Variants in PLAAT3 observed in about 807,000 individuals in gnomAD.
The protein encoded by PLAAT3 is phospholipase A and acyltransferase 3.
A neutral mutation model predicts 16.7 loss-of-function variants in PLAAT3; 21 were observed. The observed-to-expected ratio is 1.26, with a 90% confidence interval of 0.89 to 1.81. The LOEUF is 1.81. Ranked by LOEUF, PLAAT3 falls within the 40% of genes most tolerant of loss-of-function variation. PLAAT3 has a pLI of 0.00. For missense variants in PLAAT3, 219 were observed against 213.7 expected, an observed-to-expected ratio of 1.02 and a Z score of -0.16; for synonymous variants, 76 against 81.7, an observed-to-expected ratio of 0.93 and a Z score of 0.38.
At chr11:63,609,983 G>GGA (rs1213875512) in intron 2 of PLAAT3, among the ~76,000 whole-genome samples, 34 of 152,112 alleles carry the variant, frequency 2.2e-4, no homozygotes, top group Non-Finnish European at 4.0e-4. Flanking sequence ...ATCCTTATAA[G>GGA]AGCCCCATGT....
intron 2 of PLAAT3, among the ~76,000 whole-genome samples, chr11:63,609,002 T>C (rs1039171123): frequency 9.9e-5 from 15 of 152,190 alleles, no homozygotes; most frequent in Non-Finnish European, 2.2e-4. Flanking sequence ...CTTGATAACG[T>C]AGGAGCCATT....
chr11:63,605,085 G>A (rs746156749), intron 2 of PLAAT3, among the ~76,000 whole-genome samples: 2 of 151,936 alleles, frequency 1.3e-5, no homozygotes, highest in Non-Finnish European at 2.9e-5. Context: ...ATTTTATCAC[G>A]AAAAATTTTC....
At chr11:63,612,951 T>C (rs1459012346) in intron 2 of PLAAT3, among the ~76,000 whole-genome samples, 1 of 152,200 alleles carries the variant, frequency 6.6e-6, no homozygotes, top group Non-Finnish European at 1.5e-5. Context: ...GAGAATGATA[T>C]TAAAAAGTGA....
intron 3 of PLAAT3, 85 bp from the exon 4 acceptor site, chr11:63,590,453 C>T (rs1938124255): frequency 8.6e-7 from 1 of 1,164,204 alleles, no homozygotes; most frequent in African/African-American, 1.5e-5. Context: ...CGGGCATCTG[C>T]CCTTGGCTCA....
intron 4 of PLAAT3, among the ~76,000 whole-genome samples, chr11:63,576,547 C>T (rs76200331): frequency 0.015 from 2,293 of 152,282 alleles, 56 homozygotes; most frequent in African/African-American, 0.052. Context: ...CACTTGAACC[C>T]GGGAAGTGGA....
chr11:63,576,227 C>T (rs140602337), intron 4 of PLAAT3, among the ~76,000 whole-genome samples: 4 of 152,260 alleles, frequency 2.6e-5, no homozygotes, highest in African/African-American at 9.6e-5. Flanking sequence ...AGTCAGCAAA[C>T]CACTGCCCCT....
At chr11:63,601,000 AT>A (rs1165840160) in intron 2 of PLAAT3, among the ~76,000 whole-genome samples, 5 of 151,346 alleles carry the variant, frequency 3.3e-5, no homozygotes, top group African/African-American at 7.3e-5. Context: ...TTATAACTTA[AT>A]TTTTTTTAAG....
intron 3 of PLAAT3, among the ~76,000 whole-genome samples, chr11:63,593,168 G>A (rs557282915): frequency 2.0e-5 from 3 of 152,296 alleles, no homozygotes; most frequent in African/African-American, 7.2e-5. Context: ...CTGCCCTCAA[G>A]CAATTCCCAT....
In PLAAT3 at chr11:63,598,068, G is replaced by A. The variant is rs1460242236; in HGVS notation, c.111C>T (p.Ala37=). 3 of 1,609,260 alleles carry A rather than the reference G, an allele frequency of 1.9e-6. No homozygotes were observed. The highest frequency in any genetic ancestry group is 2.2e-5 in the East Asian group (1 of 44,868). Residue 37 remains alanine, a synonymous_variant, in exon 3 of 5, where the codon GCC becomes GCT. Coordinates refer to ENST00000415826, the MANE Select transcript of PLAAT3 (RefSeq NM_001128203.2). The part of the protein sequence containing the change: ...YVGDGYVVHL[A]PPSEVAGAGA... ...GGTCCCATGTGTTCTTACTTGGAGG[G>A]GCCAGATGAACCACATATCCATCGC...
chr11:63,590,183 G>T lies in PLAAT3; in HGVS notation c.304C>A (p.Gln102Lys). ...CTGGTCAGCTTGTAGAGCACCTCCT[G>T]CCCCACCAGCTCCTCCGCCCGCTGG... ...IIQRAEELVG[Q>K]EVLYKLTSEN... Residue 102 changes from glutamine (Q) to lysine (K), a missense_variant, in exon 4 of 5, where the codon CAG (glutamine) becomes AAG (lysine). Coordinates refer to ENST00000415826, the MANE Select transcript of PLAAT3 (RefSeq NM_001128203.2). 1 of 1,614,150 alleles carries T rather than the reference G, an allele frequency of 6.2e-7. No individual in the cohort carries two copies. The highest frequency in any genetic ancestry group is 1.1e-5 in the South Asian group (1 of 91,080).
At chr11:63,603,652 GA>G (rs990969793) in intron 2 of PLAAT3, among the ~76,000 whole-genome samples, 4 of 112,746 alleles carry the variant, frequency 3.5e-5, no homozygotes, top group Non-Finnish European at 5.6e-5. Context: ...AAAAAGAAAA[GA>G]AAAAAAAACC....
intron 4 of PLAAT3, among the ~76,000 whole-genome samples, chr11:63,578,090 C>G (rs1341137333): frequency 6.6e-6 from 1 of 152,084 alleles, no homozygotes; most frequent in African/African-American, 2.4e-5. Flanking sequence ...CGAGACCAGC[C>G]TGGCAACATG....
intron 4 of PLAAT3, 149 bp downstream of exon 4, chr11:63,589,951 C>T (rs1275326540): frequency 5.6e-6 from 4 of 710,078 alleles, no homozygotes; most frequent in South Asian, 1.7e-5. Flanking sequence ...ACCCTTGTCC[C>T]CACCCTTGTC....
At chr11:63,590,456 T>C in intron 3 of PLAAT3, 88 bp from the exon 4 acceptor site, 1 of 1,136,878 alleles carries the variant, frequency 8.8e-7, no homozygotes, top group Middle Eastern at 2.0e-4. Flanking sequence ...GCATCTGCCC[T>C]TGGCTCATCC....
At chr11:63,615,308 ATGTGTGTATATATG>A (rs1938839202), upstream of PLAAT3, among the ~76,000 whole-genome samples, 10 of 59,568 alleles carry the variant, frequency 1.7e-4, 4 homozygotes, top group Non-Finnish European at 4.0e-4. Context: ...GTGTGTATAT[ATGTGTGTATATATG>A]TGTGTATATA....
At chr11:63,615,216 A>ATG (rs1259849129), upstream of PLAAT3, among the ~76,000 whole-genome samples, 3 of 12,746 alleles carry the variant, frequency 2.4e-4, no homozygotes, top group African/African-American at 3.5e-4. Flanking sequence ...GTGTATATAT[A>ATG]TGTGTATATA....
chr11:63,615,667 G>A (rs1054695761), upstream of PLAAT3, among the ~76,000 whole-genome samples: 20 of 151,352 alleles, frequency 1.3e-4, no homozygotes, highest in Non-Finnish European at 1.8e-4. Flanking sequence ...TTACTTTTTG[G>A]GGTTTTTTGT....
intron 2 of PLAAT3, among the ~76,000 whole-genome samples, chr11:63,609,898 G>A (rs1938652237): frequency 6.6e-6 from 1 of 152,160 alleles, no homozygotes; most frequent in South Asian, 2.1e-4. Context: ...ACCTTCTGGT[G>A]AGTCAGAACT....
intron 4 of PLAAT3, among the ~76,000 whole-genome samples, chr11:63,583,812 T>TG (rs1165679224): frequency 1.3e-5 from 2 of 152,166 alleles, no homozygotes; most frequent in Non-Finnish European, 2.9e-5. Flanking sequence ...TTTTTTTAAG[T>TG]GGGCAAACAA....
Sources: allele counts gnomAD v4.1 joint callset (sites outside exome capture counted in the v4.1 genomes callset), GRCh38; gene constraint gnomAD v4.1.1; transcripts MANE v1.5; gene names NCBI Gene and HGNC (gene_info 2026-07-23, HGNC 2026-07-21).